The following SRPK2 variants were observed in gnomAD, a reference collection of about 807,000 sequenced individuals.
The protein encoded by SRPK2 is SRSF protein kinase 2.
In SRPK2, 21 loss-of-function variants were observed where a neutral mutation model predicts 90.8. The ratio of observed to expected loss-of-function variants is 0.23; its 90% confidence interval spans 0.16 to 0.33. The LOEUF is 0.33. Among genes scored for constraint, SRPK2 ranks in the 10% least tolerant of loss-of-function variants. The pLI is 1.00. For missense variants in SRPK2, 620 were observed against 869.0 expected (o/e 0.71, Z 3.60); for synonymous variants, 288 against 311.1 (o/e 0.93, Z 0.78).
At position 105,142,089 on chromosome 7, in the gene SRPK2, G is replaced by T. The variant is rs770574572; in HGVS notation, c.1462C>A (p.Leu488Ile). 3.7e-6 allele frequency: 6 copies of T among 1,614,054 alleles called. No individual in the cohort carries two copies. In the Admixed American group the frequency reaches 1.0e-4, roughly 27 times the overall value. ...GGACTGCTCTCCTCTTGCTCAGTAA[G>T]TGGTGATCCCTCAGAAAGCACAGAG... is the stretch of plus-strand genomic sequence containing the variant. ...CGSVLSEGSP[L>I]TEQEESSPSH... Residue 488 changes from leucine (L) to isoleucine (I), a missense_variant, in exon 11 of 16, where the codon CTT becomes ATT. Physicochemically the swap from Leu to Ile is conservative, Grantham distance 5. Around this residue, in one of 8 missense-constraint regions of SRPK2, gnomAD observed 243 missense variants for 245.7 expected, o/e 0.99. Coordinates refer to ENST00000393651, the MANE Select transcript of SRPK2 (RefSeq NM_182692.3).
At chr7:105,217,432 C>T (rs1330392308) in intron 2 of SRPK2, among the ~76,000 whole-genome samples, 1 of 152,206 alleles carries the variant, frequency 6.6e-6, no homozygotes, top group Non-Finnish European at 1.5e-5. Flanking sequence ...ATTATTCTCT[C>T]TTGCATTCAC....
intron 2 of SRPK2, chr7:105,268,927 A>G (rs901207439): frequency 3.9e-6 from 6 of 1,531,120 alleles, no homozygotes; most frequent in Admixed American, 1.8e-5. Flanking sequence ...TTCAAGCCTT[A>G]TATCAAGAGA....
chr7:105,349,078 G>A (rs1467118531), intron 2 of SRPK2, among the ~76,000 whole-genome samples: 1 of 150,730 alleles, frequency 6.6e-6, no homozygotes, highest in Non-Finnish European at 1.5e-5. Flanking sequence ...CTCGGAGGCG[G>A]AGGTTGCAGT....
chr7:105,308,887 C>G (rs1201667260), intron 2 of SRPK2, among the ~76,000 whole-genome samples: 1 of 152,140 alleles, frequency 6.6e-6, no homozygotes, highest in Non-Finnish European at 1.5e-5. Flanking sequence ...TTGGAGCCGT[C>G]ATCATTTCTG....
rs571006447 is a variant in SRPK2, at chr7:105,378,600, C to A, written c.71+10048G>T. On this transcript the variant is annotated intron_variant, in intron 2 of 15. Transcript: ENST00000393651. ...CAACATGGTGAAACCCCATCTCTAC[C>A]AAAAATACAAAAATTAGCTGGGCAC... Among the ~76,000 whole-genome samples, 99 of 151,718 alleles carry A rather than the reference C, an allele frequency of 6.5e-4. 1 individual carries two copies. In the South Asian group the frequency reaches 0.02, roughly 30 times the overall value.
intron 2 of SRPK2, among the ~76,000 whole-genome samples, chr7:105,312,437 CAAA>C (rs61348366): frequency 3.5e-5 from 3 of 84,862 alleles, no homozygotes; most frequent in South Asian, 1.0e-3. Flanking sequence ...GAGACTCCGT[CAAA>C]AAAAAAAAAA....
intron 2 of SRPK2, among the ~76,000 whole-genome samples, chr7:105,243,681 G>A (rs1281021378): frequency 4.0e-5 from 6 of 148,668 alleles, no homozygotes; most frequent in South Asian, 2.1e-4. Flanking sequence ...AATAACGAAC[G>A]GTAAATTTAG....
chr7:105,159,464 A>ACAAAAAAAAAAAAAAAAAAAAACAC (rs1230460659), intron 7 of SRPK2, among the ~76,000 whole-genome samples: 1 of 141,598 alleles, frequency 7.1e-6, no homozygotes, highest in African/African-American at 2.9e-5. Flanking sequence ...AAAAAAAAAA[A>ACAAAAAAAAAAAAAAAAAAAAACAC]AAAAAAAAAC....
intron 2 of SRPK2, among the ~76,000 whole-genome samples, chr7:105,303,555 CTTAATTTTCATATTCTTATATGAAAAT>C (rs1339945277): frequency 1.3e-5 from 2 of 151,668 alleles, no homozygotes; most frequent in African/African-American, 4.9e-5. Context: ...GGGAAGAGCT[CTTAATTTTCATATTCTTATATGAAAAT>C]TAATTCATAT....
chr7:105,301,598 T>G (rs1810564846), intron 2 of SRPK2: 3 of 1,604,674 alleles, frequency 1.9e-6, no homozygotes, highest in Admixed American at 1.7e-5. Flanking sequence ...TTCCGGGAAT[T>G]AAGTTCAGTT....
chr7:105,123,112 A>T (rs1035959757), intron 15 of SRPK2, among the ~76,000 whole-genome samples: 1 of 152,048 alleles, frequency 6.6e-6, no homozygotes, highest in Non-Finnish European at 1.5e-5. Flanking sequence ...GCTGATTTCT[A>T]TTGGACCACC....
chr7:105,145,899 T>TC (rs34950307), intron 8 of SRPK2, among the ~76,000 whole-genome samples: 40 of 152,288 alleles, frequency 2.6e-4, no homozygotes, highest in African/African-American at 9.6e-4. Context: ...CTCAGCCCTT[T>TC]AGTATCCATG....
intron 2 of SRPK2, among the ~76,000 whole-genome samples, chr7:105,369,023 G>A (rs1268652371): frequency 6.6e-6 from 1 of 151,974 alleles, no homozygotes; most frequent in African/African-American, 2.4e-5. Context: ...AATGGACAAG[G>A]GGAAGGCCAG....
At chr7:105,211,588 T>G (rs750850623) in intron 2 of SRPK2, among the ~76,000 whole-genome samples, 23 of 151,824 alleles carry the variant, frequency 1.5e-4, no homozygotes, top group Non-Finnish European at 3.1e-4. Flanking sequence ...CTACACACTT[T>G]TAGAACAACC....
chr7:105,361,348 T>C (rs1413090752), intron 2 of SRPK2, among the ~76,000 whole-genome samples: 1 of 152,168 alleles, frequency 6.6e-6, no homozygotes, highest in Non-Finnish European at 1.5e-5. Context: ...TGGAAGAACA[T>C]TCCATGCTCA....
At chr7:105,284,419 T>C (rs1476673658) in intron 2 of SRPK2, among the ~76,000 whole-genome samples, 1 of 152,200 alleles carries the variant, frequency 6.6e-6, no homozygotes, top group East Asian at 1.9e-4. Context: ...CCAGAGATAA[T>C]GGCAGAGCTG....
rs370467404 is a variant in SRPK2 at position 105,227,620 on chromosome 7, T to C, written c.72-23835A>G. ...CTGGGAAATTAAAAATCTCTTACAC[T>C]GCAGGTAGGAATGTAAAACGACTCT... On this transcript the variant is annotated intron_variant, in intron 2 of 15. Coordinates refer to ENST00000393651, the MANE Select transcript of SRPK2 (RefSeq NM_182692.3). Among the ~76,000 whole-genome samples the C allele has an allele frequency of 2.6e-5, 4 of 152,198 alleles. No individual in the cohort carries two copies. The East Asian group carries it at 5.8e-4, about 22-fold the overall frequency.
chr7:105,337,763 T>C (rs916029806), intron 2 of SRPK2, among the ~76,000 whole-genome samples: 5 of 152,170 alleles, frequency 3.3e-5, no homozygotes, highest in African/African-American at 1.2e-4. Flanking sequence ...TCTCAGACTT[T>C]CGGCCTCTAG....
At position 105,253,775 on chromosome 7, in the gene SRPK2, T is replaced by G. The variant is rs576177957; in HGVS notation, c.72-49990A>C. On this transcript the variant is annotated intron_variant, in intron 2 of 15. Coordinates refer to ENST00000393651, the MANE Select transcript of SRPK2 (RefSeq NM_182692.3). ...GTCTTAGAAGGGGAACAAAATTAAG[T>G]AGTAATTTTATTGTAGTGCAACAAA... 6.6e-5 allele frequency among the ~76,000 whole-genome samples: 10 copies of G among 152,168 alleles called. 1 individual carries two copies. The highest frequency in any genetic ancestry group is 1.5e-4 in the Non-Finnish European group (10 of 68,032).
Sources: gnomAD v4.1 joint callset for allele counts (sites outside exome capture counted in the v4.1 genomes callset) on GRCh38, gnomAD v4.1.1 for gene constraint, gnomAD v4.1.1 regional missense constraint, MANE v1.5 for transcripts, NCBI Gene and HGNC (gene_info 2026-07-23, HGNC 2026-07-21) for gene names.